The following PHEX variants were observed in gnomAD, a reference collection of about 807,000 sequenced individuals.
PHEX encodes phosphate regulating endopeptidase X-linked.
PHEX carries 16 observed loss-of-function variants against 68.0 expected under a neutral mutation model. That is an observed-to-expected ratio of 0.24 (90% CI 0.16 to 0.36). PHEX has a LOEUF of 0.36. Among genes scored for constraint, PHEX ranks in the 10% least tolerant of loss-of-function variants. The probability of loss-of-function intolerance (pLI) is 1.00; values close to 1 mark genes in which losing one functional copy is unlikely to be tolerated. For synonymous variants in PHEX, 208 were observed against 205.1 expected, an observed-to-expected ratio of 1.01 and a Z score of -0.12; for missense variants, 480 against 575.5, an observed-to-expected ratio of 0.83 and a Z score of 1.70.
At chrX:22,107,603 C>T (rs994408498) in intron 9 of PHEX, among the ~76,000 whole-genome samples, 2 of 111,865 alleles carry the variant, frequency 1.8e-5, no homozygotes, top group Non-Finnish European at 3.8e-5. Flanking sequence ...GCCGATTCCA[C>T]CATTATTTAG....
At chrX:22,219,605 A>G (rs760461693) in intron 17 of PHEX, among the ~76,000 whole-genome samples, 2 of 100,121 alleles carry the variant, frequency 2.0e-5, no homozygotes, top group Non-Finnish European at 3.9e-5. Context: ...ACTGGCTTAT[A>G]TTCTGATTAT....
At chrX:22,122,809 G>A (rs1931544713) in intron 11 of PHEX, among the ~76,000 whole-genome samples, 1 of 110,141 alleles carries the variant, frequency 9.1e-6, no homozygotes, top group Admixed American at 9.8e-5. Flanking sequence ...TCCTTCAGCC[G>A]GCTAGCCTGT....
intron 12 of PHEX, among the ~76,000 whole-genome samples, chrX:22,153,571 A>G (rs769136198): frequency 1.8e-5 from 2 of 111,188 alleles, no homozygotes; most frequent in Non-Finnish European, 3.8e-5. Flanking sequence ...TTGATTGTCT[A>G]TTGCATCTAT....
At chrX:22,106,117 A>T (rs1040723407) in intron 9 of PHEX, among the ~76,000 whole-genome samples, 13 of 111,320 alleles carry the variant, frequency 1.2e-4, no homozygotes, top group Non-Finnish European at 2.4e-4. Context: ...ATTTTCAAGG[A>T]CTGTTGCTGA....
In PHEX at chrX:22,042,171, C is replaced by T. The variant is rs150319202; in HGVS notation, c.187+3634C>T. Among the ~76,000 whole-genome samples, 428 of 111,562 alleles carry T rather than the reference C, an allele frequency of 3.8e-3. 1 individual carries two copies. Among genetic ancestry groups the T allele is most frequent in the Non-Finnish European group, 6.5e-3 (348 of 53,146 alleles). On this transcript the variant is annotated intron_variant, in intron 2 of 21. Coordinates refer to ENST00000379374, the MANE Select transcript of PHEX (RefSeq NM_000444.6). ...AGTTCAGAAGACTAGAGTGTTTGAT[C>T]GCCTTCTGGACCATTTCTGAGCAGG...
intron 17 of PHEX, 43 bp downstream of exon 17, chrX:22,219,146 T>C (rs944091688): frequency 7.2e-6 from 6 of 827,657 alleles, no homozygotes; most frequent in Non-Finnish European, 9.2e-6. Flanking sequence ...TTTATAATAA[T>C]GTTGACTATA....
chrX:22,168,411 C>A, intron 13 of PHEX, 22 bp downstream of exon 13: 4 of 955,245 alleles, frequency 4.2e-6, no homozygotes, highest in Non-Finnish European at 5.9e-6. Context: ...ATTTACTGTA[C>A]TTTTTTTTTT....
At chrX:22,115,046 G>A (rs193272178) in intron 11 of PHEX, among the ~76,000 whole-genome samples, 11 of 111,357 alleles carry the variant, frequency 9.9e-5, no homozygotes, top group South Asian at 7.6e-4. Context: ...CGAAGTATAC[G>A]GCCGGGCGCA....
At chrX:22,138,341 G>C (rs1344770387) in intron 12 of PHEX, among the ~76,000 whole-genome samples, 2 of 112,670 alleles carry the variant, frequency 1.8e-5, no homozygotes, top group African/African-American at 6.4e-5. Context: ...GCCGGGATTC[G>C]GACTCAGAGA....
chrX:22,131,279 A>G lies in PHEX; in HGVS notation c.1303-2244A>G, dbSNP rs139414088. 3.5e-3 allele frequency among the ~76,000 whole-genome samples: 388 copies of G among 111,152 alleles called. 6 individuals carry two copies. In the East Asian group the frequency reaches 0.086, roughly 25 times the overall value. ...TGGTCTCGAACTCCTGACCTCAAGTAATCTGCCCGCCTCAGCCTCCCAAAG... is the reference window on the plus strand; with the variant it reads ...TGGTCTCGAACTCCTGACCTCAAGTGATCTGCCCGCCTCAGCCTCCCAAAG... On this transcript the variant is annotated intron_variant, in intron 11 of 21. Transcript: ENST00000379374.
chrX:22,221,082 G>A (rs991564576), intron 17 of PHEX, among the ~76,000 whole-genome samples: 1 of 112,059 alleles, frequency 8.9e-6, no homozygotes, highest in Non-Finnish European at 1.9e-5. Context: ...ACTAGTGGCT[G>A]TGGAATGAAT....
Position 22,076,434 on chromosome X carries a change from A to G in PHEX, c.396A>G (p.Ile132Met). 6.6e-6 allele frequency: 8 copies of G among 1,206,987 alleles called. No individual in the cohort carries two copies. The highest frequency in any genetic ancestry group is 1.8e-5 in the South Asian group (1 of 56,877). Reference sequence around the variant, plus strand: ...GTAGAAGGCGGGACACCGAAGCCATACAGAAAGCCAAAATCCTTTATTCAT... The same window carrying G: ...GTAGAAGGCGGGACACCGAAGCCATGCAGAAAGCCAAAATCCTTTATTCAT... The part of the protein sequence containing the change: ...SISRRRDTEA[I>M]QKAKILYSSC... Residue 132 changes from isoleucine to methionine, a missense_variant, in exon 4 of 22, where the codon ATA becomes ATG. By Grantham distance (10) the Ile-to-Met change is conservative. Transcript: ENST00000379374.
At chrX:22,077,840 A>T in intron 5 of PHEX, 138 bp downstream of exon 5, 1 of 513,975 alleles carries the variant, frequency 1.9e-6, no homozygotes. Flanking sequence ...AATCCAGAAT[A>T]TTCCCTTCTC....
chrX:22,237,254 G>A (rs1320221663), intron 20 of PHEX, among the ~76,000 whole-genome samples: 1 of 112,008 alleles, frequency 8.9e-6, no homozygotes, highest in Non-Finnish European at 1.9e-5. Context: ...AAAATCAAAT[G>A]CCAGAAACAA....
chrX:22,216,050 A>G (rs1193975625), intron 16 of PHEX, among the ~76,000 whole-genome samples: 2 of 111,638 alleles, frequency 1.8e-5, no homozygotes, highest in African/African-American at 3.3e-5. Flanking sequence ...ACCCGCCCAA[A>G]GAGGAAATGG....
In PHEX at chrX:22,099,046, G is replaced by A. The variant is rs1475486575; in HGVS notation, c.974G>A (p.Arg325Lys). ...LGYIKKVIDTRLYPHLKDISP... is the reference protein window; with the variant it reads ...LGYIKKVIDTKLYPHLKDISP... Reference sequence around the variant, plus strand: ...TACATCAAGAAGGTCATTGACACCAGACTCTACCCCCATCTGAAAGACATC... The same window carrying A: ...TACATCAAGAAGGTCATTGACACCAAACTCTACCCCCATCTGAAAGACATC... Residue 325 changes from arginine (R) to lysine (K), a missense_variant, in exon 9 of 22, where the codon AGA becomes AAA. Coordinates refer to ENST00000379374, the MANE Select transcript of PHEX (RefSeq NM_000444.6). The A allele has an allele frequency of 1.7e-6, 2 of 1,206,426 alleles. No individual in the cohort carries two copies. The highest frequency in any genetic ancestry group is 2.2e-6 in the Non-Finnish European group (2 of 892,828).
intron 2 of PHEX, among the ~76,000 whole-genome samples, chrX:22,039,524 C>T (rs1208539809): frequency 1.8e-5 from 2 of 111,973 alleles, no homozygotes; most frequent in African/African-American, 3.2e-5. Context: ...AATGCCAGGG[C>T]GGCCGGTCAG....
intron 14 of PHEX, among the ~76,000 whole-genome samples, chrX:22,184,387 G>A (rs977050488): frequency 1.8e-5 from 2 of 110,882 alleles, no homozygotes; most frequent in African/African-American, 6.6e-5. Context: ...TTCTGGAGTA[G>A]CTCTACTACA....
chrX:22,126,329 G>C (rs1469811433), intron 11 of PHEX, among the ~76,000 whole-genome samples: 3 of 111,667 alleles, frequency 2.7e-5, no homozygotes, highest in African/African-American at 6.5e-5. Context: ...ACTCAGAGAG[G>C]GAATTGAAAG....
Sources: gnomAD v4.1 joint callset for allele counts (sites outside exome capture counted in the v4.1 genomes callset) on GRCh38, gnomAD v4.1.1 for gene constraint, MANE v1.5 for transcripts, NCBI Gene and HGNC (gene_info 2026-07-23, HGNC 2026-07-21) for gene names.